The following CADPS variants were observed in gnomAD, a reference collection of about 807,000 sequenced individuals.
CADPS encodes the protein calcium-dependent secretion activator 1.
Under a neutral mutation model 167.3 loss-of-function variants are expected in CADPS, and 57 were observed. That is an observed-to-expected ratio of 0.34 (90% CI 0.28 to 0.42). The LOEUF (loss-of-function observed/expected upper bound fraction) is 0.42. Among genes scored for constraint, CADPS ranks in the 20% least tolerant of loss-of-function variants. The pLI is 1.00. For missense variants in CADPS, 1,414 were observed against 1,738.1 expected, an observed-to-expected ratio of 0.81 and a Z score of 3.32; for synonymous variants, 676 against 635.3, an observed-to-expected ratio of 1.06 and a Z score of -0.96.
In CADPS at chr3:62,836,065, C is replaced by T. The variant is rs575739737; in HGVS notation, c.441+38524G>A. On this transcript the variant is annotated intron_variant, in intron 1 of 29. Transcript: ENST00000383710. ...TTTTGTTGAGCACCCTCTGGTTAAT[C>T]CAGTGTTTCCTAACCTTGGATGTGC... Among the ~76,000 whole-genome samples the T allele has an allele frequency of 5.7e-4, 87 of 152,222 alleles. 1 individual carries two copies. In the South Asian group the frequency reaches 0.011, roughly 19 times the overall value.
chr3:62,558,660 G>C (rs797012566), intron 9 of CADPS, among the ~76,000 whole-genome samples: 5 of 152,266 alleles, frequency 3.3e-5, no homozygotes, highest in African/African-American at 1.2e-4. Context: ...TGCATCTCCC[G>C]CACTGTCCGA....
intron 28 of CADPS, among the ~76,000 whole-genome samples, chr3:62,424,359 A>AT (rs2052160424): frequency 6.6e-6 from 1 of 151,994 alleles, no homozygotes; most frequent in South Asian, 2.1e-4. Flanking sequence ...AACTTTTTGT[A>AT]TTTTTAGTAG....
rs556133044 is a variant in CADPS, at chr3:62,631,894, G to T, written c.1325+13828C>A. On this transcript the variant is annotated intron_variant, in intron 6 of 29. Coordinates refer to ENST00000383710, the MANE Select transcript of CADPS (RefSeq NM_003716.4). ...AAACAAATATAGCAAGTGACCTTCA[G>T]CCATTCACTTTCTCTCGGTATATAG... Among the ~76,000 whole-genome samples the T allele has an allele frequency of 7.7e-4, 118 of 152,312 alleles. 2 individuals are homozygous for T. The South Asian group carries it at 0.023, about 29-fold the overall frequency.
In CADPS at chr3:62,455,460, T is replaced by C. The variant is rs891013214; in HGVS notation, c.3637-9663A>G. On this transcript the variant is annotated intron_variant, in intron 26 of 29. Coordinates refer to ENST00000383710, the MANE Select transcript of CADPS (RefSeq NM_003716.4). The surrounding 1 kb of genome is among the most constrained non-coding windows in gnomAD (Gnocchi z 4.4). ...AAAAGATCCACAACTAGTGACATTATGGAGCTGGTATTTGAAGCATGGTTT... is the reference window on the plus strand; with the variant it reads ...AAAAGATCCACAACTAGTGACATTACGGAGCTGGTATTTGAAGCATGGTTT... 2.0e-5 allele frequency among the ~76,000 whole-genome samples: 3 copies of C among 152,198 alleles called. No homozygotes were observed. The highest frequency in any genetic ancestry group is 2.9e-5 in the Non-Finnish European group (2 of 68,038).
At chr3:62,532,768 C>T (rs995630520) in intron 13 of CADPS, 103 bp downstream of exon 13, 16 of 920,576 alleles carry the variant, frequency 1.7e-5, no homozygotes, top group African/African-American at 1.2e-4. Flanking sequence ...CACATACCAC[C>T]GAAGGAATGA....
intron 8 of CADPS, among the ~76,000 whole-genome samples, chr3:62,584,464 C>T (rs1261589732): frequency 6.6e-6 from 1 of 152,202 alleles, no homozygotes; most frequent in East Asian, 1.9e-4. Flanking sequence ...GCCAAACACT[C>T]CATTCCCTTC....
intron 1 of CADPS, among the ~76,000 whole-genome samples, chr3:62,798,469 A>G (rs2093578284): frequency 6.6e-6 from 1 of 151,994 alleles, no homozygotes; most frequent in Non-Finnish European, 1.5e-5. Flanking sequence ...TCTACTTTTG[A>G]GGTTTTTGGG....
At chr3:62,868,042 A>G (rs937442737) in intron 1 of CADPS, among the ~76,000 whole-genome samples, 4 of 152,116 alleles carry the variant, frequency 2.6e-5, no homozygotes, top group Non-Finnish European at 1.5e-5. Context: ...GCTAGACTCA[A>G]TGCATTGGCT....
intron 3 of CADPS, among the ~76,000 whole-genome samples, chr3:62,730,215 G>T (rs581316): frequency 3.3e-5 from 5 of 151,860 alleles, no homozygotes; most frequent in Non-Finnish European, 7.4e-5. Context: ...TTCCTACCCC[G>T]GTCCAGTGCT....
In CADPS at chr3:62,455,817, C is replaced by T. The variant is rs779121019; in HGVS notation, c.3636+9550G>A. ...GGCTTTGGTGCTGAGCAAGTGAGGG[C>T]TATATTGTTGTTACTGAATAGTAAT... On this transcript the variant is annotated intron_variant, in intron 26 of 29. Coordinates refer to ENST00000383710, the MANE Select transcript of CADPS (RefSeq NM_003716.4). The surrounding 1 kb of genome is among the most constrained non-coding windows in gnomAD (Gnocchi z 4.4). 6.6e-6 allele frequency among the ~76,000 whole-genome samples: 1 copy of T among 152,134 alleles called. No individual in the cohort carries two copies. The highest frequency in any genetic ancestry group is 1.5e-5 in the Non-Finnish European group (1 of 68,018).
chr3:62,629,757 G>GTT (rs55956118), intron 6 of CADPS, among the ~76,000 whole-genome samples: 9 of 145,740 alleles, frequency 6.2e-5, no homozygotes, highest in South Asian at 2.2e-4. Context: ...CTCTGGTACA[G>GTT]TTTTTTTTTT....
intron 10 of CADPS, among the ~76,000 whole-genome samples, chr3:62,554,421 C>G (rs947109220): frequency 6.6e-6 from 1 of 152,140 alleles, no homozygotes; most frequent in African/African-American, 2.4e-5. Context: ...CCTTCTATGG[C>G]AGAGAGCAAC....
intron 3 of CADPS, among the ~76,000 whole-genome samples, chr3:62,694,751 C>T (rs2079952398): frequency 1.3e-5 from 2 of 151,984 alleles, no homozygotes; most frequent in Admixed American, 6.6e-5. Context: ...CAGGTCCTTA[C>T]CCATACCCCA....
At chr3:62,740,303 C>T (rs1355695542) in intron 3 of CADPS, among the ~76,000 whole-genome samples, 1 of 152,186 alleles carries the variant, frequency 6.6e-6, no homozygotes, top group African/African-American at 2.4e-5. Context: ...CATCTCAAGA[C>T]CTCTGCTCAT....
Position 62,478,177 on chromosome 3 carries a change from A to AT in CADPS, c.3329+83dup. On this transcript the variant is annotated intron_variant, in intron 23 of 29. Coordinates refer to ENST00000383710, the MANE Select transcript of CADPS (RefSeq NM_003716.4). This position sits in a 1 kb window ranked among gnomAD's most constrained non-coding sequence, Gnocchi z 5.7. ...TCCAATTAGTTTCAAACTACAGCCA[A>AT]TTGAAAGAGCAGCCATCTACCCTTC... The AT allele has an allele frequency of 6.9e-7, 1 of 1,445,014 alleles. No individual in the cohort carries two copies. The highest frequency in any genetic ancestry group is 9.6e-7 in the Non-Finnish European group (1 of 1,045,096). The allele number at this position is 1,445,014 out of a possible 1,614,324, so 89.5% of individuals were successfully genotyped here.
At chr3:62,784,042 G>A (rs1021151199) in intron 1 of CADPS, among the ~76,000 whole-genome samples, 6 of 152,176 alleles carry the variant, frequency 3.9e-5, no homozygotes, top group African/African-American at 1.4e-4. Flanking sequence ...AGCAATGGCT[G>A]ATTTCCTGTC....
rs73844681 is a variant in CADPS, at chr3:62,864,243, A to T, written c.441+10346T>A. Among the ~76,000 whole-genome samples, 977 of 152,316 alleles carry T rather than the reference A, an allele frequency of 6.4e-3. 10 individuals are homozygous for T. Among genetic ancestry groups the T allele is most frequent in the African/African-American group, 0.023 (948 of 41,578 alleles). On this transcript the variant is annotated intron_variant, in intron 1 of 29. Coordinates refer to ENST00000383710, the MANE Select transcript of CADPS (RefSeq NM_003716.4). Reference sequence around the variant, plus strand: ...AGCACTGATGCAAATGGCTAAATGTATGGGTCTGGCAGTCTGGCAAGAGGC... The same window carrying T: ...AGCACTGATGCAAATGGCTAAATGTTTGGGTCTGGCAGTCTGGCAAGAGGC...
chr3:62,761,590 CT>C (rs940651708), intron 2 of CADPS, among the ~76,000 whole-genome samples: 7 of 151,828 alleles, frequency 4.6e-5, no homozygotes, highest in Admixed American at 4.6e-4. Context: ...TTTTGTAAAA[CT>C]TTTTTATCCA....
At chr3:62,403,223 A>T (rs1228001508) in intron 28 of CADPS, 38 bp from the exon 29 acceptor site, 3 of 1,396,496 alleles carry the variant, frequency 2.1e-6, no homozygotes, top group African/African-American at 2.8e-5. Flanking sequence ...CCAACACATC[A>T]TGGAGCATTT....
Sources: gnomAD v4.1 joint callset for allele counts (sites outside exome capture counted in the v4.1 genomes callset) on GRCh38, gnomAD v4.1.1 for gene constraint, Gnocchi (gnomAD v3.1) non-coding constraint, MANE v1.5 for transcripts, NCBI Gene and HGNC (gene_info 2026-07-23, HGNC 2026-07-21) for gene names.